The following HPCAL1 variants were observed in gnomAD, a reference collection of about 807,000 sequenced individuals.
The protein encoded by HPCAL1 is hippocalcin-like protein 1.
In HPCAL1, 8 loss-of-function variants were observed where a neutral mutation model predicts 17.1. The observed-to-expected ratio is 0.47, with a 90% CI of 0.27 to 0.84. The LOEUF (loss-of-function observed/expected upper bound fraction) is 0.84. Among genes scored for constraint, HPCAL1 ranks in the 40% least tolerant of loss-of-function variants. The probability of loss-of-function intolerance (pLI) is 0.13; values close to 1 mark genes in which losing one functional copy is unlikely to be tolerated. For synonymous variants in HPCAL1, 112 were observed against 111.4 expected, an observed-to-expected ratio of 1.01 and a Z score of -0.03; for missense variants, 165 against 271.1, an observed-to-expected ratio of 0.61 and a Z score of 2.75.
intron 2 of HPCAL1, among the ~76,000 whole-genome samples, chr2:10,411,808 C>A (rs1670375049): frequency 6.6e-6 from 1 of 152,200 alleles, no homozygotes; most frequent in Non-Finnish European, 1.5e-5. Context: ...GGAGGCTGAT[C>A]CCGGCTGGCT....
chr2:10,318,668 C>T (rs1663478902), intron 1 of HPCAL1, among the ~76,000 whole-genome samples: 1 of 152,160 alleles, frequency 6.6e-6, no homozygotes, highest in Admixed American at 6.5e-5. Flanking sequence ...GAAAACAAAC[C>T]TCAGGCCCCA....
Position 10,381,768 on chromosome 2 carries a change from C to T in HPCAL1, c.-110-15067C>T, listed in dbSNP as rs115960635. 5.1e-3 allele frequency among the ~76,000 whole-genome samples: 782 copies of T among 152,322 alleles called. 2 individuals carry two copies. The highest frequency in any genetic ancestry group is 0.034 in the Middle Eastern group (10 of 294). ...GGCCCAAATCCAGGACACTCAGCAC[C>T]AAATGCGAGGGAGGATGTGAAGCCA... On this transcript the variant is annotated intron_variant, in intron 1 of 4. Transcript: ENST00000307845.
chr2:10,374,585 G>T (rs996315914), intron 1 of HPCAL1, among the ~76,000 whole-genome samples: 1 of 152,236 alleles, frequency 6.6e-6, no homozygotes, highest in Non-Finnish European at 1.5e-5. Flanking sequence ...CAAGAGGTGC[G>T]GTGGAACCAG....
rs1331886951 is a variant in HPCAL1, at chr2:10,365,600, C to T, written c.-110-31235C>T. ...CAGCCCTGGCGTTATGATGTCCCGC[C>T]CAACCCCCGACCGCACACCTCCCTC... On this transcript the variant is annotated intron_variant, in intron 1 of 4. Transcript: ENST00000307845. This position sits in a 1 kb window ranked among gnomAD's most constrained non-coding sequence, Gnocchi z 4.8. Among the ~76,000 whole-genome samples, 1 of 152,048 alleles carries T rather than the reference C, an allele frequency of 6.6e-6. No homozygotes were observed. The highest frequency in any genetic ancestry group is 1.5e-5 in the Non-Finnish European group (1 of 68,006).
chr2:10,372,529 G>A (rs1173144459), intron 1 of HPCAL1, among the ~76,000 whole-genome samples: 2 of 152,110 alleles, frequency 1.3e-5, no homozygotes, highest in Admixed American at 1.3e-4. Context: ...GCGGACAGGC[G>A]AGCGTATGGC....
intron 1 of HPCAL1, among the ~76,000 whole-genome samples, chr2:10,361,697 A>G (rs1666535189): frequency 6.6e-6 from 1 of 151,936 alleles, no homozygotes; most frequent in South Asian, 2.1e-4. Context: ...GCTTTCATGT[A>G]CATTAGCTAA....
At chr2:10,334,234 A>AG (rs1399521662) in intron 1 of HPCAL1, among the ~76,000 whole-genome samples, 231 of 152,364 alleles carry the variant, frequency 1.5e-3, no homozygotes, top group African/African-American at 5.5e-3. Flanking sequence ...CTGTAATCCC[A>AG]GCTCTTCGGG....
intron 1 of HPCAL1, among the ~76,000 whole-genome samples, chr2:10,332,403 C>T (rs756521506): frequency 5.3e-5 from 8 of 152,196 alleles, no homozygotes; most frequent in Non-Finnish European, 1.2e-4. Context: ...CTCTCTAGCC[C>T]CTGGCCCGCC....
chr2:10,328,672 A>G (rs1308773054), intron 1 of HPCAL1, among the ~76,000 whole-genome samples: 1 of 152,190 alleles, frequency 6.6e-6, no homozygotes, highest in Non-Finnish European at 1.5e-5. Flanking sequence ...CTGAGTCTCC[A>G]GCTTGCAGAC....
At position 10,419,451 on chromosome 2, in the gene HPCAL1, G is replaced by A. The variant is rs1052460560; in HGVS notation, c.-24-283G>A. ...CAACCCCTGGTGGGCACCGGATGAT[G>A]CCCTGTTCCACTGATTTTAAGTTGC... On this transcript the variant is annotated intron_variant, in intron 2 of 4. Transcript: ENST00000307845. This position sits in a 1 kb window ranked among gnomAD's most constrained non-coding sequence, Gnocchi z 5.0. 6.6e-6 allele frequency among the ~76,000 whole-genome samples: 1 copy of A among 152,086 alleles called. No individual in the cohort carries two copies. The highest frequency in any genetic ancestry group is 1.5e-5 in the Non-Finnish European group (1 of 68,030).
chr2:10,336,035 A>G (rs34468993), intron 1 of HPCAL1, among the ~76,000 whole-genome samples: 23,431 of 104,052 alleles, frequency 0.23, 2,862 homozygotes, highest in Non-Finnish European at 0.27. Context: ...TTGCATGTTC[A>G]TATCCTCTGC....
intron 1 of HPCAL1, among the ~76,000 whole-genome samples, chr2:10,349,072 T>C (rs1415159573): frequency 6.6e-6 from 1 of 152,218 alleles, no homozygotes; most frequent in Non-Finnish European, 1.5e-5. Context: ...TGCTTGTTTA[T>C]CTTTGTGGCA....
chr2:10,368,244 T>C (rs1666984251), intron 1 of HPCAL1, among the ~76,000 whole-genome samples: 1 of 151,518 alleles, frequency 6.6e-6, no homozygotes, highest in South Asian at 2.1e-4. Context: ...CATGTGTGTG[T>C]GTGCATTGTG....
intron 1 of HPCAL1, chr2:10,324,244 A>G (rs995718122): frequency 6.6e-6 from 1 of 152,248 alleles, no homozygotes; most frequent in Non-Finnish European, 1.5e-5. Flanking sequence ...GGAAATGCCA[A>G]AGTTGTTAAG....
chr2:10,418,446 CAAAAAAAAAAAAAA>C (rs58884767), intron 2 of HPCAL1, among the ~76,000 whole-genome samples: 3 of 60,166 alleles, frequency 5.0e-5, no homozygotes, highest in African/African-American at 1.3e-4. Flanking sequence ...GACTCCATCT[CAAAAAAAAAAAAAA>C]AAAAAAAAAA....
intron 1 of HPCAL1, among the ~76,000 whole-genome samples, chr2:10,339,187 G>A (rs2125438975): frequency 6.6e-6 from 1 of 152,296 alleles, no homozygotes; most frequent in Admixed American, 6.5e-5. Flanking sequence ...GGGTCTCGCT[G>A]TGTCACCCAG....
Position 10,419,826 on chromosome 2 carries a change from C to T in HPCAL1, c.69C>T (p.Thr23=), listed in dbSNP as rs761644160. ...ACCTGCGGGAGAACACGGAGTTCACCGACCACGAGCTGCAGGAGTGGTACA... is the reference window on the plus strand; with the variant it reads ...ACCTGCGGGAGAACACGGAGTTCACTGACCACGAGCTGCAGGAGTGGTACA... ...LQDLRENTEF[T]DHELQEWYKG... The change falls in exon 3 of 5, where the codon ACC becomes ACT. Residue 23 remains threonine (T), a synonymous_variant. Transcript: ENST00000307845. The surrounding 1 kb of genome is among the most constrained non-coding windows in gnomAD (Gnocchi z 5.0). The T allele has an allele frequency of 4.3e-6, 7 of 1,613,524 alleles. No homozygotes were observed. Among genetic ancestry groups the T allele is most frequent in the African/African-American group, 2.7e-5 (2 of 74,902 alleles).
At chr2:10,379,362 G>C (rs1667794961) in intron 1 of HPCAL1, among the ~76,000 whole-genome samples, 1 of 151,652 alleles carries the variant, frequency 6.6e-6, no homozygotes, top group Non-Finnish European at 1.5e-5. Flanking sequence ...GAAAGTGTTT[G>C]TGACACCCCA....
chr2:10,309,094 A>T (rs1006532839), intron 1 of HPCAL1, among the ~76,000 whole-genome samples: 1 of 151,688 alleles, frequency 6.6e-6, no homozygotes, highest in Non-Finnish European at 1.5e-5. Flanking sequence ...GAGTGCAGTG[A>T]TGTGATCCCA....
Sources: allele counts gnomAD v4.1 joint callset (sites outside exome capture counted in the v4.1 genomes callset), GRCh38; gene constraint gnomAD v4.1.1; non-coding constraint Gnocchi (gnomAD v3.1); transcripts MANE v1.5; gene names NCBI Gene and HGNC (gene_info 2026-07-23, HGNC 2026-07-21).